Variants in CEP72 observed in about 807,000 individuals in gnomAD.
CEP72 encodes centrosomal protein 72.
CEP72 carries 78 observed loss-of-function variants against 65.7 expected under a neutral mutation model. The ratio of observed to expected loss-of-function variants is 1.19; its 90% CI spans 0.99 to 1.43. CEP72 has a LOEUF of 1.43. CEP72 is among the 40% of genes most tolerant of loss of function. The pLI is 0.00. For synonymous variants in CEP72, 358 were observed against 351.7 expected (o/e 1.02, Z -0.20); for missense variants, 914 against 832.9 (o/e 1.10, Z -1.20).
At chr5:668,998 G>A (rs562163083), downstream of CEP72, among the ~76,000 whole-genome samples, 98 of 152,338 alleles carry the variant, frequency 6.4e-4, no homozygotes, top group African/African-American at 2.1e-3. Context: ...CTTTACACGC[G>A]TGTCCTAAAG....
chr5:667,972 G>A (rs1406630025), downstream of CEP72, among the ~76,000 whole-genome samples: 1 of 55,744 alleles, frequency 1.8e-5, no homozygotes, highest in African/African-American at 2.5e-4. Flanking sequence ...GTGCGGACAA[G>A]CACACAGAGA....
chr5:617,588 G>A (rs1335862393), intron 1 of CEP72, among the ~76,000 whole-genome samples: 1 of 152,218 alleles, frequency 6.6e-6, no homozygotes, highest in Non-Finnish European at 1.5e-5. Flanking sequence ...CGGTGGCAGG[G>A]TGTGGGGGAC....
intron 9 of CEP72, chr5:642,232 TC>T (rs1463053483): frequency 1.3e-6 from 1 of 773,042 alleles, no homozygotes; most frequent in Non-Finnish European, 1.5e-6. Context: ...GCACACGTGG[TC>T]CCCCGTCCAG....
downstream of CEP72, among the ~76,000 whole-genome samples, chr5:668,046 G>C (rs1343684883): frequency 2.3e-4 from 8 of 35,456 alleles, 3 homozygotes; most frequent in East Asian, 6.8e-3. Flanking sequence ...CCGTGTGGGC[G>C]CCGTCAGGGA....
downstream of CEP72, among the ~76,000 whole-genome samples, chr5:667,716 T>C (rs910537734): frequency 6.6e-6 from 1 of 151,128 alleles, no homozygotes; most frequent in African/African-American, 2.5e-5. Flanking sequence ...AAAAAATCCA[T>C]GTGAAAAGAC....
chr5:637,444 T>C, intron 6 of CEP72, 73 bp from the exon 7 acceptor site: 1 of 1,397,938 alleles, frequency 7.2e-7, no homozygotes, highest in Non-Finnish European at 9.9e-7. Flanking sequence ...ACATGCCTTT[T>C]AAAAGTTACA....
At chr5:648,861 C>G (rs1351589622) in intron 11 of CEP72, among the ~76,000 whole-genome samples, 2 of 99,852 alleles carry the variant, frequency 2.0e-5, no homozygotes, top group African/African-American at 8.5e-5. Flanking sequence ...TGAGGTGTGA[C>G]TGTGAGGTGT....
chr5:670,225 G>C (rs544280385), downstream of CEP72, among the ~76,000 whole-genome samples: 1 of 152,154 alleles, frequency 6.6e-6, no homozygotes, highest in Non-Finnish European at 1.5e-5. Flanking sequence ...CGCTGGGCTC[G>C]GGACTGTGCA....
chr5:628,938 C>A (rs76195188), intron 4 of CEP72, among the ~76,000 whole-genome samples: 11 of 136,178 alleles, frequency 8.1e-5, no homozygotes, highest in African/African-American at 2.7e-4. Context: ...GTGCAGCGTT[C>A]TGGAGAACTC....
intron 11 of CEP72, among the ~76,000 whole-genome samples, chr5:648,882 TGTGACTGTGAGGC>T (rs1738666252): frequency 1.9e-4 from 6 of 31,366 alleles, no homozygotes; most frequent in African/African-American, 3.0e-4. Context: ...GACTGTGAGG[TGTGACTGTGAGGC>T]GTGGACTGTG....
At chr5:656,670 T>C (rs1739387740), downstream of CEP72, among the ~76,000 whole-genome samples, 1 of 152,250 alleles carries the variant, frequency 6.6e-6, no homozygotes, top group Admixed American at 6.5e-5. Flanking sequence ...AGCTGTTTCC[T>C]CATTTTTAGG....
intron 9 of CEP72, chr5:643,743 T>G (rs1266741571): frequency 9.6e-5 from 81 of 846,182 alleles, no homozygotes; most frequent in Non-Finnish European, 1.1e-4. Flanking sequence ...CCAGACACCC[T>G]GGGGCCAGGG....
At chr5:642,625 C>T (rs1580000684) in intron 9 of CEP72, 5 of 985,488 alleles carry the variant, frequency 5.1e-6, no homozygotes, top group Middle Eastern at 5.2e-4. Flanking sequence ...CTTTTTTGCC[C>T]TCTGCAGTTT....
At chr5:658,503 AC>A, downstream of CEP72, among the ~76,000 whole-genome samples, 1 of 152,226 alleles carries the variant, frequency 6.6e-6, no homozygotes, top group South Asian at 2.1e-4. Flanking sequence ...TCAAAGAAAC[AC>A]CCTTTGCCTC....
At chr5:644,189 C>A in intron 9 of CEP72, 110 bp from the exon 10 acceptor site, 1 of 1,240,662 alleles carries the variant, frequency 8.1e-7, no homozygotes, top group Non-Finnish European at 1.1e-6. Flanking sequence ...ATCGTGACTC[C>A]CAAGTATGCA....
intron 1 of CEP72, among the ~76,000 whole-genome samples, chr5:618,451 A>G (rs1432870059): frequency 1.3e-5 from 2 of 152,222 alleles, no homozygotes; most frequent in Admixed American, 6.5e-5. Flanking sequence ...ATCTTTTTAC[A>G]TATACTGTTA....
chr5:660,901 G>A (rs1739564187), downstream of CEP72: 1 of 152,256 alleles, frequency 6.6e-6, no homozygotes, highest in South Asian at 2.1e-4. Context: ...GCGGCCACAG[G>A]ACATGATGCC....
At position 651,272 on chromosome 5, in the gene CEP72, GGACTGTGAGGTGTGACTGTGAGGTGT is replaced by G. The variant is rs1374156783; in HGVS notation, c.1779-1692_1779-1667del. Among the ~76,000 whole-genome samples the G allele has an allele frequency of 1.6e-3, 123 of 77,862 alleles. 5 individuals carry two copies. The East Asian group carries it at 0.018, about 12-fold the overall frequency. 51.1% of individuals were successfully genotyped at this position (77,862 alleles called of 152,430 possible). ...ACTGTGAGGTGTGACTGTGAGGCGT[GGACTGTGAGGTGTGACTGTGAGGTGT>G]GACTGTGAGGTGTGACTGTGAGGCG... On this transcript the variant is annotated intron_variant, in intron 11 of 11. Transcript: ENST00000264935.
At chr5:626,083 C>G (rs1396232687) in intron 4 of CEP72, among the ~76,000 whole-genome samples, 3 of 152,166 alleles carry the variant, frequency 2.0e-5, no homozygotes, top group Non-Finnish European at 4.4e-5. Flanking sequence ...CTCCTGACAC[C>G]TGGAATCCTG....
Sources: gnomAD v4.1 joint callset for allele counts (sites outside exome capture counted in the v4.1 genomes callset) on GRCh38, gnomAD v4.1.1 for gene constraint, MANE v1.5 for transcripts, NCBI Gene and HGNC (gene_info 2026-07-23, HGNC 2026-07-21) for gene names.